IGSF21: variants seen among roughly 807,000 people sequenced by gnomAD.
IGSF21 encodes the protein immunoglobin superfamily member 21.
In IGSF21, 28 loss-of-function variants were observed where a neutral mutation model predicts 46.8. That is an observed-to-expected ratio of 0.60 (90% CI 0.44 to 0.82). The LOEUF is 0.82. Ranked by LOEUF, IGSF21 falls within the 40% of genes least tolerant of loss-of-function variation. The pLI is 0.00. For missense variants in IGSF21, 624 were observed against 665.5 expected (o/e 0.94, Z 0.69); for synonymous variants, 284 against 273.6 (o/e 1.04, Z -0.38).
chr1:18,143,764 CT>C (rs1367761848), intron 1 of IGSF21, among the ~76,000 whole-genome samples: 1 of 152,188 alleles, frequency 6.6e-6, no homozygotes, highest in Non-Finnish European at 1.5e-5. Context: ...TTCTATGTCT[CT>C]GTTAAAGGGT....
intron 1 of IGSF21, among the ~76,000 whole-genome samples, chr1:18,199,997 AGACAAAGACCCCAAGCCC>A (rs1381852291): frequency 4.6e-5 from 7 of 151,994 alleles, no homozygotes; most frequent in African/African-American, 1.7e-4. Flanking sequence ...CTGGGGATCC[AGACAAAGACCCCAAGCCC>A]CTGCTCCTTC....
At chr1:18,252,167 C>T (rs1272589041) in intron 2 of IGSF21, among the ~76,000 whole-genome samples, 1 of 151,052 alleles carries the variant, frequency 6.6e-6, no homozygotes, top group Non-Finnish European at 1.5e-5. Context: ...TCTCCTGCCT[C>T]AGCCTCCCAA....
Position 18,377,386 on chromosome 1 carries a change from C to A in IGSF21, c.1295-7C>A, listed in dbSNP as rs2086294987. The A allele has an allele frequency of 6.2e-7, 1 of 1,612,438 alleles. No individual in the cohort carries two copies. The highest frequency in any genetic ancestry group is 8.5e-7 in the Non-Finnish European group (1 of 1,178,564). On this transcript the variant is annotated splice_region_variant and splice_polypyrimidine_tract_variant and intron_variant, in intron 8 of 9. Coordinates refer to ENST00000251296, the MANE Select transcript of IGSF21 (RefSeq NM_032880.5). ...CCTTTGGTTCTCTTTCTGTTTCTTT[C>A]CAACAGAAAACCCAAATATCCCAAG...
chr1:18,142,660 T>A (rs961194683), intron 1 of IGSF21, among the ~76,000 whole-genome samples: 11 of 152,148 alleles, frequency 7.2e-5, no homozygotes, highest in Non-Finnish European at 1.3e-4. Context: ...CAGCCAATCC[T>A]CGTGGCCTGG....
chr1:18,343,621 T>C (rs1015505843), intron 4 of IGSF21, among the ~76,000 whole-genome samples: 1 of 152,240 alleles, frequency 6.6e-6, no homozygotes, highest in African/African-American at 2.4e-5. Context: ...TATTTTTATA[T>C]ATGGTGTGAG....
rs184372408 is a variant in IGSF21, at chr1:18,161,264, C to T, written c.70+53066C>T. ...CGAGAAGGGAAAGCCAGCATTCACA[C>T]AATGCCTGCTGTATAGAGCAGGTGC... is the stretch of plus-strand genomic sequence containing the variant. On this transcript the variant is annotated intron_variant, in intron 1 of 9. Coordinates refer to ENST00000251296, the MANE Select transcript of IGSF21 (RefSeq NM_032880.5). Among the ~76,000 whole-genome samples the T allele has an allele frequency of 5.9e-5, 9 of 152,306 alleles. No individual in the cohort carries two copies. In the East Asian group the frequency reaches 1.7e-3, roughly 29 times the overall value.
intron 2 of IGSF21, among the ~76,000 whole-genome samples, chr1:18,232,672 A>G (rs2084639512): frequency 6.6e-6 from 1 of 152,194 alleles, no homozygotes; most frequent in Admixed American, 6.5e-5. Context: ...TCATCATGTC[A>G]AAATACCTGC....
intron 3 of IGSF21, among the ~76,000 whole-genome samples, chr1:18,329,968 G>A (rs2085696417): frequency 6.6e-6 from 1 of 152,190 alleles, no homozygotes; most frequent in Non-Finnish European, 1.5e-5. Flanking sequence ...CAGAGATGCC[G>A]TCGGTGTTGG....
chr1:18,326,299 G>A (rs1049954870), intron 3 of IGSF21, among the ~76,000 whole-genome samples: 1 of 152,204 alleles, frequency 6.6e-6, no homozygotes, highest in African/African-American at 2.4e-5. Flanking sequence ...GCCCATCAGG[G>A]ATGCATGGCA....
At chr1:18,267,052 G>T (rs759413414) in intron 2 of IGSF21, among the ~76,000 whole-genome samples, 1 of 152,198 alleles carries the variant, frequency 6.6e-6, no homozygotes, top group Non-Finnish European at 1.5e-5. Flanking sequence ...TGCCCTTGGA[G>T]AGCCCATGGC....
chr1:18,199,924 A>G (rs2087053210), intron 1 of IGSF21, among the ~76,000 whole-genome samples: 1 of 149,312 alleles, frequency 6.7e-6, no homozygotes, highest in African/African-American at 2.4e-5. Context: ...ATCCATCCCT[A>G]GGCAATTGCA....
intron 1 of IGSF21, among the ~76,000 whole-genome samples, chr1:18,142,529 G>A (rs191958102): frequency 6.6e-6 from 1 of 152,206 alleles, no homozygotes; most frequent in Non-Finnish European, 1.5e-5. Flanking sequence ...CTGGCCCTCG[G>A]GCCCTCCCTG....
chr1:18,277,953 C>T (rs753409934), intron 2 of IGSF21, among the ~76,000 whole-genome samples: 13 of 152,068 alleles, frequency 8.5e-5, no homozygotes, highest in East Asian at 3.9e-4. Context: ...CACTGGTGCA[C>T]GCATTTGCCA....
chr1:18,268,519 A>G (rs188051074), intron 2 of IGSF21, among the ~76,000 whole-genome samples: 79 of 152,312 alleles, frequency 5.2e-4, no homozygotes, highest in Non-Finnish European at 9.8e-4. Context: ...GGTCCCAAAG[A>G]CAGGTCACCA....
At chr1:18,323,299 G>C (rs942254122) in intron 3 of IGSF21, among the ~76,000 whole-genome samples, 9 of 152,166 alleles carry the variant, frequency 5.9e-5, no homozygotes, top group African/African-American at 2.2e-4. Flanking sequence ...TCACCACCCA[G>C]GGCCTCAGGA....
chr1:18,136,865 G>C (rs866841453), intron 1 of IGSF21, among the ~76,000 whole-genome samples: 49 of 152,086 alleles, frequency 3.2e-4, no homozygotes, highest in African/African-American at 1.2e-3. Context: ...CCATTTTCAC[G>C]ATATTGATTT....
intron 4 of IGSF21, among the ~76,000 whole-genome samples, chr1:18,353,379 T>A (rs989717832): frequency 6.6e-6 from 1 of 151,786 alleles, no homozygotes; most frequent in African/African-American, 2.4e-5. Flanking sequence ...GGCCCTTCCC[T>A]CCAATCCATT....
intron 1 of IGSF21, among the ~76,000 whole-genome samples, chr1:18,182,208 A>C (rs1570310814): frequency 4.2e-5 from 5 of 119,688 alleles, no homozygotes; most frequent in Admixed American, 1.1e-4. Flanking sequence ...ACAAGGTCTC[A>C]CTCTGTTGCA....
In IGSF21 at chr1:18,365,243, G is replaced by A. The variant is rs1370817538; in HGVS notation, c.561G>A (p.Gly187=). ...PAPMVYFKRD[G]EPIDAVPLSE... Reference sequence around the variant, plus strand: ...GGCAGGTTTATTTCAAACGAGATGGGGAACCAATCGACGCAGTGCCCCTAT... The same window carrying A: ...GGCAGGTTTATTTCAAACGAGATGGAGAACCAATCGACGCAGTGCCCCTAT... Residue 187 remains glycine (G), a synonymous_variant, in exon 6 of 10, where the codon GGG becomes GGA. Coordinates refer to ENST00000251296, the MANE Select transcript of IGSF21 (RefSeq NM_032880.5). This position sits in a 1 kb window ranked among gnomAD's most constrained non-coding sequence, Gnocchi z 4.8. The A allele has an allele frequency of 1.2e-6, 2 of 1,603,546 alleles. No homozygotes were observed. Among genetic ancestry groups the A allele is most frequent in the Admixed American group, 1.7e-5 (1 of 58,722 alleles).
Sources: gnomAD v4.1 joint callset for allele counts (sites outside exome capture counted in the v4.1 genomes callset) on GRCh38, gnomAD v4.1.1 for gene constraint, Gnocchi (gnomAD v3.1) non-coding constraint, MANE v1.5 for transcripts, NCBI Gene and HGNC (gene_info 2026-07-23, HGNC 2026-07-21) for gene names.